The following GRID2 variants were observed in gnomAD, a reference collection of about 807,000 sequenced individuals.
The protein encoded by GRID2 is glutamate ionotropic receptor delta type subunit 2, also known as glutamate receptor ionotropic, delta-2.
Under a neutral mutation model 114.8 loss-of-function variants are expected in GRID2, and 33 were observed. The ratio of observed to expected loss-of-function variants is 0.29; its 90% CI spans 0.22 to 0.38. The LOEUF (loss-of-function observed/expected upper bound fraction) is 0.38, where lower values mean the gene tolerates loss of function less well. GRID2 is among the 10% of genes least tolerant of loss of function. GRID2 has a pLI of 1.00. For missense variants in GRID2, 1,184 were observed against 1,257.7 expected (o/e 0.94, Z 0.89); for synonymous variants, 505 against 449.9 (o/e 1.12, Z -1.55).
chr4:93,187,264 C>T lies in GRID2; in HGVS notation c.736-20140C>T, dbSNP rs80138548. On this transcript the variant is annotated intron_variant, in intron 4 of 15. Coordinates refer to ENST00000282020, the MANE Select transcript of GRID2 (RefSeq NM_001510.4). The stretch of plus-strand genomic sequence containing the variant: ...AAATATATTTATTCCAGACGAATAG[C>T]TCCAAAGTCTTTTTTTTTCTTTTCT... Among the ~76,000 whole-genome samples the T allele has an allele frequency of 4.7e-3, 714 of 152,124 alleles. 8 individuals are homozygous for T. Among genetic ancestry groups the T allele is most frequent in the African/African-American group, 0.016 (682 of 41,534 alleles).
chr4:92,931,805 G>T (rs1341336438), intron 2 of GRID2, among the ~76,000 whole-genome samples: 1 of 150,966 alleles, frequency 6.6e-6, no homozygotes, highest in Non-Finnish European at 1.5e-5. Flanking sequence ...AATGAGTAGA[G>T]ATATTTATCC....
At chr4:92,715,250 A>C (rs541983506) in intron 2 of GRID2, among the ~76,000 whole-genome samples, 1 of 152,250 alleles carries the variant, frequency 6.6e-6, no homozygotes, top group South Asian at 2.1e-4. Context: ...TTTTCCAACA[A>C]GTTCTTCATG....
chr4:93,682,396 G>A (rs1431118861), intron 14 of GRID2, among the ~76,000 whole-genome samples: 9 of 151,586 alleles, frequency 5.9e-5, no homozygotes, highest in African/African-American at 2.4e-5. Flanking sequence ...ATCTAGAACT[G>A]GAAATACCAT....
intron 2 of GRID2, among the ~76,000 whole-genome samples, chr4:92,913,487 T>G (rs1188796798): frequency 1.3e-5 from 2 of 151,912 alleles, no homozygotes; most frequent in Non-Finnish European, 2.9e-5. Flanking sequence ...AACTTTTATC[T>G]GAACTCCCTC....
intron 2 of GRID2, among the ~76,000 whole-genome samples, chr4:93,025,126 G>C (rs988412230): frequency 6.6e-6 from 1 of 151,406 alleles, no homozygotes; most frequent in Non-Finnish European, 1.5e-5. Flanking sequence ...GAGGGAAGAA[G>C]GGAGGGAGAG....
intron 2 of GRID2, among the ~76,000 whole-genome samples, chr4:92,808,933 A>T (rs1740543608): frequency 6.6e-6 from 1 of 151,988 alleles, no homozygotes; most frequent in Non-Finnish European, 1.5e-5. Flanking sequence ...GATATCCTAG[A>T]TGAGAGCATT....
At position 93,735,080 on chromosome 4, in the gene GRID2, G is replaced by A. The variant is rs532934316; in HGVS notation, c.2361-34130G>A. Among the ~76,000 whole-genome samples, 86 of 152,054 alleles carry A rather than the reference G, an allele frequency of 5.7e-4. 2 individuals are homozygous for A. In the South Asian group the frequency reaches 0.017, roughly 30 times the overall value. On this transcript the variant is annotated intron_variant, in intron 14 of 15. Coordinates refer to ENST00000282020, the MANE Select transcript of GRID2 (RefSeq NM_001510.4). ...TGTCATCTTGAGACCAAGATGCATC[G>A]TCAAATTGCAAGCAAACATTGTGAA...
At chr4:93,012,049 TC>T (rs1160514371) in intron 2 of GRID2, among the ~76,000 whole-genome samples, 1 of 147,794 alleles carries the variant, frequency 6.8e-6, no homozygotes, top group African/African-American at 2.5e-5. Flanking sequence ...CTCTGTGAAC[TC>T]TGAAATTTCC....
At chr4:93,414,228 C>T (rs1767484831) in intron 9 of GRID2, among the ~76,000 whole-genome samples, 1 of 152,132 alleles carries the variant, frequency 6.6e-6, no homozygotes, top group African/African-American at 2.4e-5. Context: ...TTGCAAAAGG[C>T]TCCTAATTGA....
chr4:93,691,793 C>G (rs1726586848), intron 14 of GRID2, among the ~76,000 whole-genome samples: 1 of 151,896 alleles, frequency 6.6e-6, no homozygotes, highest in African/African-American at 2.4e-5. Context: ...TCCATCTGCA[C>G]ATAAGAATTT....
At chr4:93,229,349 G>A (rs994368485) in intron 7 of GRID2, among the ~76,000 whole-genome samples, 1 of 152,132 alleles carries the variant, frequency 6.6e-6, no homozygotes, top group Non-Finnish European at 1.5e-5. Flanking sequence ...GGAGTGGCCT[G>A]GGCCTTTTTG....
At chr4:93,531,586 CTT>C (rs1731450777) in intron 13 of GRID2, among the ~76,000 whole-genome samples, 2 of 151,942 alleles carry the variant, frequency 1.3e-5, no homozygotes, top group Admixed American at 1.3e-4. Flanking sequence ...GACAGACAGT[CTT>C]TATTAAATAC....
At chr4:93,006,183 T>A (rs559209642) in intron 2 of GRID2, among the ~76,000 whole-genome samples, 1 of 152,200 alleles carries the variant, frequency 6.6e-6, no homozygotes, top group Admixed American at 6.6e-5. Flanking sequence ...ATTTTTAGCA[T>A]AACTAAAATA....
At chr4:92,835,844 A>G (rs1452955450) in intron 2 of GRID2, among the ~76,000 whole-genome samples, 2 of 152,116 alleles carry the variant, frequency 1.3e-5, no homozygotes, top group African/African-American at 4.8e-5. Flanking sequence ...CACTTTGTCC[A>G]TATAACAGGA....
chr4:92,374,947 C>T (rs1208459475), intron 1 of GRID2, among the ~76,000 whole-genome samples: 1 of 152,108 alleles, frequency 6.6e-6, no homozygotes, highest in Non-Finnish European at 1.5e-5. Context: ...ATACCTGAGA[C>T]AGACTTATGT....
intron 14 of GRID2, among the ~76,000 whole-genome samples, chr4:93,683,822 C>A (rs1560903405): frequency 6.6e-6 from 1 of 151,906 alleles, no homozygotes; most frequent in Non-Finnish European, 1.5e-5. Flanking sequence ...ATAGGATTGT[C>A]CCATATTATT....
chr4:93,128,346 T>A (rs941936504), intron 4 of GRID2, among the ~76,000 whole-genome samples: 3 of 152,022 alleles, frequency 2.0e-5, no homozygotes, highest in African/African-American at 7.2e-5. Flanking sequence ...GTGCTTATAC[T>A]AGAGAGAGAA....
chr4:92,310,229 T>C (rs1005346838), intron 1 of GRID2, among the ~76,000 whole-genome samples: 1 of 152,044 alleles, frequency 6.6e-6, no homozygotes, highest in African/African-American at 2.4e-5. Context: ...ATTTATTTGT[T>C]TTGTAAAAAG....
intron 1 of GRID2, among the ~76,000 whole-genome samples, chr4:92,498,568 T>C (rs1723511226): frequency 6.6e-6 from 1 of 151,926 alleles, no homozygotes; most frequent in Admixed American, 6.6e-5. Flanking sequence ...TTTTTAAAGT[T>C]TTGCTCAATT....
Sources: allele counts gnomAD v4.1 joint callset (sites outside exome capture counted in the v4.1 genomes callset), GRCh38; gene constraint gnomAD v4.1.1; transcripts MANE v1.5; gene names NCBI Gene and HGNC (gene_info 2026-07-23, HGNC 2026-07-21).